The following SLCO1B3 variants were observed in gnomAD, a reference collection of about 807,000 sequenced individuals.
SLCO1B3 encodes the protein solute carrier organic anion transporter family member 1B3.
Under a neutral mutation model 71.8 loss-of-function variants are expected in SLCO1B3, and 72 were observed. That is an observed-to-expected ratio of 1.00 (90% CI 0.83 to 1.22). The LOEUF (loss-of-function observed/expected upper bound fraction) is 1.22. Ranked by LOEUF, SLCO1B3 falls within the 50% of genes most tolerant of loss-of-function variation. The probability of loss-of-function intolerance (pLI) is 0.00; values close to 1 mark genes in which losing one functional copy is unlikely to be tolerated. For synonymous variants in SLCO1B3, 298 were observed against 278.4 expected, an observed-to-expected ratio of 1.07 and a Z score of -0.70; for missense variants, 911 against 819.7, an observed-to-expected ratio of 1.11 and a Z score of -1.36.
intron 5 of SLCO1B3, among the ~76,000 whole-genome samples, chr12:20,860,374 G>A (rs1865236015): frequency 6.6e-6 from 1 of 152,076 alleles, no homozygotes; most frequent in Admixed American, 6.5e-5. Flanking sequence ...TACAAACACT[G>A]TGTGTTTTAT....
intron 3 of SLCO1B3, among the ~76,000 whole-genome samples, chr12:20,845,758 G>A (rs1344337156): frequency 6.6e-6 from 1 of 152,136 alleles, no homozygotes; most frequent in African/African-American, 2.4e-5. Context: ...TGTAGTTTAA[G>A]TACATTGTTT....
At chr12:20,849,126 G>A (rs1429245208) in intron 3 of SLCO1B3, among the ~76,000 whole-genome samples, 1 of 151,486 alleles carries the variant, frequency 6.6e-6, no homozygotes, top group Non-Finnish European at 1.5e-5. Context: ...AATCTAAATT[G>A]CTCTAAAAAA....
chr12:20,916,057 A>G lies in SLCO1B3; in HGVS notation c.1919A>G (p.Tyr640Cys), dbSNP rs1164411747. The change falls in exon 16 of 16, where the codon TAT becomes TGT. Residue 640 changes from tyrosine to cysteine, a missense_variant. Coordinates refer to ENST00000381545, the MANE Select transcript of SLCO1B3 (RefSeq NM_019844.4). ...TTAAGATTCCCAGCACTTGTTTTAT[A>G]TATTGTTTTCATTTTTGCTATGAAG... ...IALRFPALVL[Y>C]IVFIFAMKKK... 9 of 1,610,814 alleles carry G rather than the reference A, an allele frequency of 5.6e-6. No individual in the cohort carries two copies. Among genetic ancestry groups the G allele is most frequent in the Admixed American group, 3.3e-5 (2 of 59,978 alleles).
intron 8 of SLCO1B3, 51 bp downstream of exon 8, chr12:20,862,905 C>A: frequency 1.1e-6 from 1 of 936,988 alleles, no homozygotes; most frequent in South Asian, 1.5e-5. Context: ...AAGTGCAGGA[C>A]ACCATTCTTC....
In SLCO1B3 at chr12:20,875,235, G is replaced by A. The variant is rs933463488; in HGVS notation, c.728G>A (p.Ser243Asn). Residue 243 changes from serine to asparagine, a missense_variant and splice_region_variant, in exon 9 of 16, where the codon AGC (serine) becomes AAC (asparagine). Physicochemically the swap from Ser to Asn is conservative, Grantham distance 46. Coordinates refer to ENST00000381545, the MANE Select transcript of SLCO1B3 (RefSeq NM_019844.4). The part of the protein sequence containing the change: ...MYVDIGYVDL[S>N]TIRITPKDSR... ...GGCTTCTTTTAACTGTTTCTCCTAGGCACTATCAGAATAACTCCTAAGGAC... is the reference window on the plus strand; with the variant it reads ...GGCTTCTTTTAACTGTTTCTCCTAGACACTATCAGAATAACTCCTAAGGAC... 6 of 1,611,924 alleles carry A rather than the reference G, an allele frequency of 3.7e-6. No individual in the cohort carries two copies. The highest frequency in any genetic ancestry group is 1.6e-4 in the Middle Eastern group (1 of 6,064).
chr12:20,855,260 A>G, intron 4 of SLCO1B3, 91 bp downstream of exon 4: 1 of 1,141,196 alleles, frequency 8.8e-7, no homozygotes, highest in Non-Finnish European at 1.2e-6. Flanking sequence ...GGTCTGGACT[A>G]GGTGTAAATT....
intron 5 of SLCO1B3, chr12:20,858,821 A>T (rs185961065): frequency 4.7e-6 from 1 of 210,914 alleles, no homozygotes; most frequent in Admixed American, 5.7e-5. Context: ...ACAGTTTTAT[A>T]TGAAATGAAT....
chr12:20,861,067 C>G lies in SLCO1B3; in HGVS notation c.410C>G (p.Ser137Ter). Residue 137 changes from serine (S) to a stop codon, truncating the protein, a stop_gained, in exon 6 of 16, where the codon TCA becomes TGA. Coordinates refer to ENST00000381545, the MANE Select transcript of SLCO1B3 (RefSeq NM_019844.4). LOFTEE classifies it high-confidence loss of function. ...ATTAATCCATCAGAAAATTCAACATCAAGTTTATCAACCTGTTTAATTAAT... is the reference window on the plus strand; with the variant it reads ...ATTAATCCATCAGAAAATTCAACATGAAGTTTATCAACCTGTTTAATTAAT... ...THINPSENST[S>*]SLSTCLINQT... 6.2e-7 allele frequency: 1 copy of G among 1,602,392 alleles called. No homozygotes were observed. The highest frequency in any genetic ancestry group is 8.5e-7 in the Non-Finnish European group (1 of 1,172,324).
At chr12:20,851,539 G>T (rs112214006) in intron 3 of SLCO1B3, among the ~76,000 whole-genome samples, 3 of 152,174 alleles carry the variant, frequency 2.0e-5, no homozygotes, top group African/African-American at 7.2e-5. Context: ...TTGTTAAGTT[G>T]CAGAAGTTAC....
intron 4 of SLCO1B3, among the ~76,000 whole-genome samples, 184 bp from the exon 5 acceptor site, chr12:20,858,255 T>A (rs865870057): frequency 6.6e-6 from 1 of 152,132 alleles, no homozygotes. Flanking sequence ...ATTCTACTTA[T>A]TAATACTATA....
chr12:20,913,417 C>CT (rs1206046276), intron 15 of SLCO1B3, among the ~76,000 whole-genome samples: 1 of 152,262 alleles, frequency 6.6e-6, no homozygotes, highest in Non-Finnish European at 1.5e-5. Flanking sequence ...CTGCATTTCT[C>CT]TTTGCAGCTC....
intron 3 of SLCO1B3, among the ~76,000 whole-genome samples, chr12:20,821,359 A>G (rs1864302114): frequency 6.6e-6 from 1 of 152,180 alleles, no homozygotes; most frequent in Non-Finnish European, 1.5e-5. Flanking sequence ...TGCAGAAGAA[A>G]AAAGACGCTT....
chr12:20,907,803 C>T (rs1866284516), intron 15 of SLCO1B3, among the ~76,000 whole-genome samples: 2 of 151,890 alleles, frequency 1.3e-5, no homozygotes, highest in African/African-American at 4.8e-5. Context: ...GCCACTGCTC[C>T]CGGCTGGGAG....
chr12:20,835,241 C>T lies in SLCO1B3; in HGVS notation c.84+19419C>T, dbSNP rs115464841. 9.0e-3 allele frequency among the ~76,000 whole-genome samples: 1,365 copies of T among 152,284 alleles called. 18 individuals carry two copies. Among genetic ancestry groups the T allele is most frequent in the African/African-American group, 0.031 (1,282 of 41,562 alleles). ...AAACCATTTTTCCCTTCTAGACCTCCAGACCCGTGATGGGCGTGGCTGCTC... is the reference window on the plus strand; with the variant it reads ...AAACCATTTTTCCCTTCTAGACCTCTAGACCCGTGATGGGCGTGGCTGCTC... On this transcript the variant is annotated intron_variant, in intron 3 of 15. Transcript: ENST00000381545.
chr12:20,820,707 A>G (rs1259818985), intron 3 of SLCO1B3, among the ~76,000 whole-genome samples: 1 of 152,176 alleles, frequency 6.6e-6, no homozygotes, highest in Non-Finnish European at 1.5e-5. Context: ...GGGTAATAAA[A>G]TGTATATTGA....
intron 2 of SLCO1B3, among the ~76,000 whole-genome samples, 161 bp from the exon 3 acceptor site, chr12:20,815,513 C>T (rs182357484): frequency 6.6e-6 from 1 of 152,220 alleles, no homozygotes; most frequent in Admixed American, 6.5e-5. Context: ...GTCTTTCCTC[C>T]TCTGTGTCCA....
chr12:20,843,430 T>C (rs10161402), intron 3 of SLCO1B3, among the ~76,000 whole-genome samples: 2,821 of 152,244 alleles, frequency 0.019, 78 homozygotes, highest in East Asian at 0.098. Context: ...TCCTTATAGT[T>C]GAATGACTAC....
At chr12:20,825,660 G>A (rs10770743) in intron 3 of SLCO1B3, among the ~76,000 whole-genome samples, 80,459 of 151,704 alleles carry the variant, frequency 0.53, 21,976 homozygotes, top group East Asian at 0.74. Flanking sequence ...TTAGCCAGAT[G>A]TGGTGGTGTG....
intron 8 of SLCO1B3, among the ~76,000 whole-genome samples, chr12:20,863,081 T>C (rs1296730634): frequency 6.6e-6 from 1 of 152,208 alleles, no homozygotes; most frequent in Non-Finnish European, 1.5e-5. Context: ...AAATTTATTT[T>C]AGATTACTTG....
Sources: allele counts gnomAD v4.1 joint callset (sites outside exome capture counted in the v4.1 genomes callset), GRCh38; gene constraint gnomAD v4.1.1; transcripts MANE v1.5; gene names NCBI Gene and HGNC (gene_info 2026-07-23, HGNC 2026-07-21).